The following ETV1 variants were observed in gnomAD, a reference collection of about 807,000 sequenced individuals.
The protein encoded by ETV1 is ETS translocation variant 1.
Under a neutral mutation model 62.3 loss-of-function variants are expected in ETV1, and 27 were observed. The observed-to-expected ratio is 0.43, with a 90% CI of 0.32 to 0.60. ETV1 has a LOEUF of 0.60. ETV1 is among the 20% of genes least tolerant of loss of function. The pLI, the probability that ETV1 is intolerant of heterozygous loss-of-function variation, is 0.06. For missense variants in ETV1, 605 were observed against 605.8 expected (o/e 1.00, Z 0.01); for synonymous variants, 222 against 199.6 (o/e 1.11, Z -0.94).
At chr7:13,986,055 A>T in intron 5 of ETV1, 3 of 1,305,882 alleles carry the variant, frequency 2.3e-6, no homozygotes, top group African/African-American at 1.5e-5. Flanking sequence ...AAACATTTTT[A>T]AAATCCTCAT....
At chr7:13,919,524 T>C (rs2128433022) in intron 9 of ETV1, among the ~76,000 whole-genome samples, 1 of 149,986 alleles carries the variant, frequency 6.7e-6, no homozygotes, top group African/African-American at 2.4e-5. Context: ...TACTCTCCTG[T>C]AAAATTTTCC....
chr7:13,988,793 G>C, intron 3 of ETV1: 1 of 1,606,128 alleles, frequency 6.2e-7, no homozygotes, highest in Non-Finnish European at 8.5e-7. Flanking sequence ...AGAAAAAGGG[G>C]TCTTAAAAAC....
intron 9 of ETV1, among the ~76,000 whole-genome samples, chr7:13,918,749 A>G (rs1784484968): frequency 6.6e-6 from 1 of 151,840 alleles, no homozygotes; most frequent in East Asian, 2.0e-4. Flanking sequence ...GGGGAGGGAT[A>G]GCATTGGGAG....
At chr7:13,914,884 T>C (rs1583610156) in intron 9 of ETV1, among the ~76,000 whole-genome samples, 1 of 152,194 alleles carries the variant, frequency 6.6e-6, no homozygotes, top group South Asian at 2.1e-4. Flanking sequence ...AGAAAAGATT[T>C]GCCACAGTTG....
Position 13,958,409 on chromosome 7 carries a change from C to T in ETV1, c.235+19018G>A, listed in dbSNP as rs1789740651. Among the ~76,000 whole-genome samples the T allele has an allele frequency of 2.0e-5, 3 of 152,146 alleles. No individual in the cohort carries two copies. The South Asian group carries it at 6.2e-4, about 31-fold the overall frequency. On this transcript the variant is annotated intron_variant, in intron 6 of 13. Coordinates refer to ENST00000430479, the MANE Select transcript of ETV1 (RefSeq NM_004956.5). Reference sequence around the variant, plus strand: ...TATATTCAAACACTGCTACCATTCTCTCTGATGGACAGAGCAATTAATACC... The same window carrying T: ...TATATTCAAACACTGCTACCATTCTTTCTGATGGACAGAGCAATTAATACC...
intron 13 of ETV1, among the ~76,000 whole-genome samples, chr7:13,896,789 A>AAAGAAAGG (rs1491140240): frequency 4.0e-5 from 6 of 151,286 alleles, no homozygotes; most frequent in Admixed American, 6.6e-5. Context: ...AGAAAGAAAG[A>AAAGAAAGG]AAGGATACAC....
chr7:13,916,859 G>T (rs144353170), intron 9 of ETV1, among the ~76,000 whole-genome samples: 1 of 151,782 alleles, frequency 6.6e-6, no homozygotes, highest in Admixed American at 6.6e-5. Context: ...TTGAGCGCAG[G>T]AGGCAGAGGT....
intron 10 of ETV1, among the ~76,000 whole-genome samples, chr7:13,910,339 T>C (rs117648906): frequency 6.6e-6 from 1 of 151,570 alleles, no homozygotes; most frequent in Non-Finnish European, 1.5e-5. Context: ...CTGTGAACTT[T>C]CGTTGTTGCT....
chr7:13,954,083 C>T (rs1025233130), intron 6 of ETV1, among the ~76,000 whole-genome samples: 3 of 152,062 alleles, frequency 2.0e-5, no homozygotes, highest in Non-Finnish European at 4.4e-5. Flanking sequence ...ACTAATATGC[C>T]TGTCATGGCT....
chr7:13,986,383 T>C (rs1782553572), intron 5 of ETV1: 1 of 1,486,166 alleles, frequency 6.7e-7, no homozygotes, highest in Non-Finnish European at 8.9e-7. Flanking sequence ...TCTTGGTGCA[T>C]TAGTTCTTGC....
rs1269557284 is a variant in ETV1 at position 13,894,947 on chromosome 7, CT to C, written c.*918del. 1 of 232,594 alleles carries C rather than the reference CT, an allele frequency of 4.3e-6. No individual in the cohort carries two copies. Among genetic ancestry groups the C allele is most frequent in the East Asian group, 6.1e-5 (1 of 16,392 alleles). The allele number at this position is 232,594 out of a possible 1,614,324, so 14.4% of individuals were successfully genotyped here. A position where few individuals can be genotyped will look rare whatever the true frequency, so the allele number is the denominator to read the frequency against. ...AATACATGATTTAGTACAGTTAATT[CT>C]TATTGATTAAATAATGTATTTATGT... On this transcript the variant is annotated 3_prime_UTR_variant, in exon 14 of 14. Transcript: ENST00000430479.
intron 6 of ETV1, among the ~76,000 whole-genome samples, chr7:13,944,000 T>G (rs1379468253): frequency 6.6e-6 from 1 of 151,876 alleles, no homozygotes; most frequent in African/African-American, 2.4e-5. Context: ...TCCAGATGGG[T>G]AGGAAATGGA....
chr7:13,984,694 C>G (rs1488243330), intron 5 of ETV1, among the ~76,000 whole-genome samples: 3 of 151,826 alleles, frequency 2.0e-5, no homozygotes, highest in Admixed American at 2.0e-4. Context: ...ATGATTAATT[C>G]CTGAACTTAA....
chr7:13,895,982 G>A lies in ETV1; in HGVS notation c.1318C>T (p.Arg440Cys), dbSNP rs751525538. The change falls in exon 14 of 14, where the codon CGT becomes TGT. Residue 440 changes from arginine to cysteine, a missense_variant. Around this residue, in one of 3 missense-constraint regions of ETV1, gnomAD observed 79 missense variants for 71.6 expected, o/e 1.10. Coordinates refer to ENST00000430479, the MANE Select transcript of ETV1 (RefSeq NM_004956.5). ...QRPLLKTDMERHINEEDTVPL... is the reference protein window; with the variant it reads ...QRPLLKTDMECHINEEDTVPL... ...ACTGTGTCCTCCTCGTTGATGTGAC[G>A]TTCCATGTCTGTCTTCAGCAGTGGA... 4.3e-6 allele frequency: 7 copies of A among 1,613,668 alleles called. No individual in the cohort carries two copies. The South Asian group carries it at 5.5e-5, about 13-fold the overall frequency.
chr7:13,973,571 A>C (rs955020816), intron 6 of ETV1, among the ~76,000 whole-genome samples: 1 of 152,186 alleles, frequency 6.6e-6, no homozygotes, highest in African/African-American at 2.4e-5. Flanking sequence ...GTGAAGAATA[A>C]AATTAGCTGG....
rs76891774 is a variant in ETV1 at position 13,983,202 on chromosome 7, C to T, written c.181+3436G>A. The stretch of plus-strand genomic sequence containing the variant: ...AGAGAATATTGTTGATGAAAGTGAA[C>T]CTGAAAGAACATCTAGACCGGAAAC... On this transcript the variant is annotated intron_variant, in intron 5 of 13. Coordinates refer to ENST00000430479, the MANE Select transcript of ETV1 (RefSeq NM_004956.5). Among the ~76,000 whole-genome samples the T allele has an allele frequency of 2.3e-4, 35 of 152,022 alleles. No homozygotes were observed. In the East Asian group the frequency reaches 4.4e-3, roughly 19 times the overall value.
chr7:13,969,447 A>G (rs73278715), intron 6 of ETV1, among the ~76,000 whole-genome samples: 3,986 of 152,324 alleles, frequency 0.026, 179 homozygotes, highest in African/African-American at 0.09. Flanking sequence ...TTATATGGGT[A>G]TGAATGGCAA....
intron 6 of ETV1, among the ~76,000 whole-genome samples, chr7:13,950,178 T>C (rs1425672956): frequency 2.0e-5 from 3 of 152,172 alleles, no homozygotes; most frequent in African/African-American, 7.2e-5. Context: ...AAGCCCAATG[T>C]GCAAAACAGA....
intron 5 of ETV1, chr7:13,986,160 C>G: frequency 6.3e-7 from 1 of 1,594,652 alleles, no homozygotes; most frequent in Non-Finnish European, 8.5e-7. Context: ...GACACTTGCA[C>G]TTAAATCTTG....
Sources: allele counts gnomAD v4.1 joint callset (sites outside exome capture counted in the v4.1 genomes callset), GRCh38; gene constraint gnomAD v4.1.1; regional missense constraint gnomAD v4.1.1; transcripts MANE v1.5; gene names NCBI Gene and HGNC (gene_info 2026-07-23, HGNC 2026-07-21).